ASTN1: variants seen among roughly 807,000 people sequenced by gnomAD.
ASTN1 encodes astrotactin-1.
Under a neutral mutation model 140.7 loss-of-function variants are expected in ASTN1, and 41 were observed. That is an observed-to-expected ratio of 0.29 (90% CI 0.23 to 0.38). ASTN1 has a LOEUF of 0.38. Ranked by LOEUF, ASTN1 falls within the 10% of genes least tolerant of loss-of-function variation. ASTN1 has a pLI of 1.00. For missense variants in ASTN1, 1,479 were observed against 1,678.8 expected, an observed-to-expected ratio of 0.88 and a Z score of 2.08; for synonymous variants, 640 against 652.2, an observed-to-expected ratio of 0.98 and a Z score of 0.29.
At chr1:177,154,404 C>T (rs12094495) in intron 1 of ASTN1, among the ~76,000 whole-genome samples, 24,908 of 152,070 alleles carry the variant, frequency 0.16, 4,222 homozygotes, top group African/African-American at 0.43. Flanking sequence ...GTTCCTCGGT[C>T]GTACTAACTA....
chr1:177,059,277 T>C (rs747319564), intron 2 of ASTN1, among the ~76,000 whole-genome samples: 4 of 152,180 alleles, frequency 2.6e-5, no homozygotes, highest in African/African-American at 4.8e-5. Context: ...GACCATATTA[T>C]AAATTTGAAG....
In ASTN1 at chr1:176,953,495, C is replaced by G. The variant is rs186904657; in HGVS notation, c.1888-4144G>C. On this transcript the variant is annotated intron_variant, in intron 11 of 22. Coordinates refer to ENST00000361833, the MANE Select transcript of ASTN1 (RefSeq NM_004319.3). ...CTCTGACATGCAGGCTCAAGCCATGCAGGACTTCTCCCAAGGGGAAAAGTT... is the reference window on the plus strand; with the variant it reads ...CTCTGACATGCAGGCTCAAGCCATGGAGGACTTCTCCCAAGGGGAAAAGTT... Among the ~76,000 whole-genome samples the G allele has an allele frequency of 5.3e-5, 8 of 152,330 alleles. No homozygotes were observed. In the East Asian group the frequency reaches 1.5e-3, roughly 29 times the overall value.
chr1:177,116,584 G>C (rs904316882), intron 1 of ASTN1, among the ~76,000 whole-genome samples: 1 of 152,042 alleles, frequency 6.6e-6, no homozygotes, highest in Non-Finnish European at 1.5e-5. Flanking sequence ...TCTTAAAGAA[G>C]CATTCTACAT....
At chr1:177,099,493 T>C (rs2102126084) in intron 1 of ASTN1, among the ~76,000 whole-genome samples, 1 of 152,284 alleles carries the variant, frequency 6.6e-6, no homozygotes, top group South Asian at 2.1e-4. Context: ...TCATTGACTG[T>C]GAGGGCTTCT....
chr1:176,906,843 CAAA>C (rs35062067), intron 16 of ASTN1, among the ~76,000 whole-genome samples: 5 of 86,466 alleles, frequency 5.8e-5, no homozygotes, highest in African/African-American at 8.2e-5. Context: ...GACTCTCTCT[CAAA>C]AAAAAAAAAA....
At chr1:176,868,188 G>A (rs1193878173) in intron 22 of ASTN1, among the ~76,000 whole-genome samples, 1 of 152,144 alleles carries the variant, frequency 6.6e-6, no homozygotes, top group Non-Finnish European at 1.5e-5. Flanking sequence ...GCAATATACA[G>A]TTATGATTAA....
chr1:176,981,757 C>T (rs1158885406), intron 8 of ASTN1: 1 of 152,586 alleles, frequency 6.6e-6, no homozygotes, highest in Non-Finnish European at 1.5e-5. Context: ...GGTGGTGGCT[C>T]TATTCAGTTC....
intron 8 of ASTN1, among the ~76,000 whole-genome samples, chr1:176,989,235 T>C (rs1425557945): frequency 6.6e-6 from 1 of 152,182 alleles, no homozygotes; most frequent in Non-Finnish European, 1.5e-5. Context: ...ATTTTGGTGT[T>C]TGGGATTTGT....
At chr1:176,889,111 T>C (rs1669159281) in intron 17 of ASTN1, among the ~76,000 whole-genome samples, 1 of 152,218 alleles carries the variant, frequency 6.6e-6, no homozygotes, top group Non-Finnish European at 1.5e-5. Context: ...CATAGAGATA[T>C]TTACTATTAA....
intron 2 of ASTN1, among the ~76,000 whole-genome samples, chr1:177,050,524 G>C (rs1677485546): frequency 6.6e-6 from 1 of 152,138 alleles, no homozygotes; most frequent in Admixed American, 6.6e-5. Flanking sequence ...ATCATCAGGA[G>C]AGAAATCATA....
chr1:176,904,661 C>T (rs1669910867), intron 16 of ASTN1, among the ~76,000 whole-genome samples: 1 of 152,196 alleles, frequency 6.6e-6, no homozygotes, highest in African/African-American at 2.4e-5. Flanking sequence ...AGCCTTGTTC[C>T]TGCTTGGGAG....
chr1:176,910,231 T>C (rs1353491114), intron 16 of ASTN1, among the ~76,000 whole-genome samples: 1 of 152,228 alleles, frequency 6.6e-6, no homozygotes, highest in Non-Finnish European at 1.5e-5. Context: ...AATGCTGGAA[T>C]TTTGCACGTA....
In ASTN1 at chr1:177,071,371, G is replaced by A. The variant is rs1473704373; in HGVS notation, c.284-10106C>T. Among the ~76,000 whole-genome samples the A allele has an allele frequency of 2.0e-5, 3 of 152,156 alleles. No individual in the cohort carries two copies. The East Asian group carries it at 5.8e-4, about 29-fold the overall frequency. ...ACATCAGGGTGGTGATTGTGGTCAG[G>A]GAAGAGGGAAGGAGCAAATGGATGC... On this transcript the variant is annotated intron_variant, in intron 1 of 22. Coordinates refer to ENST00000361833, the MANE Select transcript of ASTN1 (RefSeq NM_004319.3).
intron 1 of ASTN1, among the ~76,000 whole-genome samples, chr1:177,140,351 C>G (rs1008214456): frequency 4.6e-5 from 7 of 152,124 alleles, no homozygotes; most frequent in African/African-American, 1.2e-4. Context: ...AAAGCATCCT[C>G]CTAATTTAGC....
At chr1:177,030,355 A>T (rs1185297444) in intron 4 of ASTN1, among the ~76,000 whole-genome samples, 3 of 152,112 alleles carry the variant, frequency 2.0e-5, no homozygotes, top group Non-Finnish European at 4.4e-5. Flanking sequence ...CTATTTTATA[A>T]CTTCATTTTT....
chr1:176,911,590 C>T (rs1325654077), intron 16 of ASTN1, among the ~76,000 whole-genome samples: 1 of 151,894 alleles, frequency 6.6e-6, no homozygotes, highest in Non-Finnish European at 1.5e-5. Context: ...AAGACACAAA[C>T]ACATACATTA....
intron 16 of ASTN1, among the ~76,000 whole-genome samples, chr1:176,905,533 A>G (rs1179091418): frequency 1.3e-5 from 2 of 152,186 alleles, no homozygotes; most frequent in African/African-American, 2.4e-5. Flanking sequence ...TGCTGCCCTG[A>G]CCAATTTATT....
chr1:177,119,256 C>T (rs1681258155), intron 1 of ASTN1, among the ~76,000 whole-genome samples: 1 of 152,206 alleles, frequency 6.6e-6, no homozygotes, highest in Admixed American at 6.5e-5. Flanking sequence ...ATTACCTGTA[C>T]AGTGCTGGTG....
In ASTN1 at chr1:176,870,858, G is replaced by A. The variant is rs368872686; in HGVS notation, c.3464-1831C>T. 3.9e-5 allele frequency among the ~76,000 whole-genome samples: 6 copies of A among 152,246 alleles called. No homozygotes were observed. In the East Asian group the frequency reaches 7.7e-4, roughly 20 times the overall value. On this transcript the variant is annotated intron_variant, in intron 21 of 22. Transcript: ENST00000361833. ...AGTTGTTTATCAAAGGCCTATGATT[G>A]CCAAGAACTTTGCACATGTGATTCC...
Sources: allele counts gnomAD v4.1 joint callset (sites outside exome capture counted in the v4.1 genomes callset), GRCh38; gene constraint gnomAD v4.1.1; transcripts MANE v1.5; gene names NCBI Gene and HGNC (gene_info 2026-07-23, HGNC 2026-07-21).